The following GALNT18 variants were observed in gnomAD, a reference collection of about 807,000 sequenced individuals.
GALNT18 encodes the protein polypeptide N-acetylgalactosaminyltransferase 18, also known as GalNAc-transferase 18.
GALNT18 carries 44 observed loss-of-function variants against 69.5 expected under a neutral mutation model. The ratio of observed to expected loss-of-function variants is 0.63; its 90% CI spans 0.50 to 0.81. GALNT18 has a LOEUF of 0.81. Ranked by LOEUF, GALNT18 falls within the 40% of genes least tolerant of loss-of-function variation. The pLI, the probability that GALNT18 is intolerant of heterozygous loss-of-function variation, is 0.00. For synonymous variants in GALNT18, 364 were observed against 318.2 expected, an observed-to-expected ratio of 1.14 and a Z score of -1.53; for missense variants, 715 against 810.0, an observed-to-expected ratio of 0.88 and a Z score of 1.42.
chr11:11,466,998 A>G (rs1856167990), intron 1 of GALNT18, among the ~76,000 whole-genome samples: 1 of 152,192 alleles, frequency 6.6e-6, no homozygotes, highest in Admixed American at 6.5e-5. Context: ...GCCCTGATTA[A>G]CAGCTACATG....
intron 6 of GALNT18, among the ~76,000 whole-genome samples, chr11:11,360,265 C>T (rs1226116617): frequency 6.6e-6 from 1 of 152,204 alleles, no homozygotes; most frequent in African/African-American, 2.4e-5. Flanking sequence ...AACGGCACCT[C>T]CTGTGTGAAG....
chr11:11,417,550 T>G (rs958838883), intron 3 of GALNT18, among the ~76,000 whole-genome samples: 2 of 152,154 alleles, frequency 1.3e-5, no homozygotes, highest in African/African-American at 2.4e-5. Flanking sequence ...AAAGTGTGAA[T>G]CTCCAACTTG....
At chr11:11,293,788 C>T (rs1849349754) in intron 9 of GALNT18, among the ~76,000 whole-genome samples, 1 of 152,132 alleles carries the variant, frequency 6.6e-6, no homozygotes, top group East Asian at 1.9e-4. Context: ...GATCTGCCTG[C>T]CTTGAATCCA....
intron 1 of GALNT18, among the ~76,000 whole-genome samples, chr11:11,556,210 TC>T (rs1427581526): frequency 6.6e-6 from 1 of 152,146 alleles, no homozygotes; most frequent in Non-Finnish European, 1.5e-5. Context: ...GGAGCGAAGG[TC>T]AAACTCTATC....
In GALNT18 at chr11:11,341,855, C is replaced by T. The variant is rs909115602; in HGVS notation, c.1093-851G>A. On this transcript the variant is annotated intron_variant, in intron 6 of 10. Transcript: ENST00000227756. This position sits in a 1 kb window ranked among gnomAD's most constrained non-coding sequence, Gnocchi z 6.3. Reference sequence around the variant, plus strand: ...ACCTTGATCAGGCTGGGCACAGTGGCTCACACCTGTAATCTCAGCACTTTG... The same window carrying T: ...ACCTTGATCAGGCTGGGCACAGTGGTTCACACCTGTAATCTCAGCACTTTG... Among the ~76,000 whole-genome samples, 1 of 152,120 alleles carries T rather than the reference C, an allele frequency of 6.6e-6. No homozygotes were observed. The highest frequency in any genetic ancestry group is 1.9e-4 in the East Asian group (1 of 5,186).
In GALNT18 at chr11:11,540,007, G is replaced by T. The variant is rs1252443023; in HGVS notation, c.235+81352C>A. Among the ~76,000 whole-genome samples the T allele has an allele frequency of 6.6e-6, 1 of 152,148 alleles. No homozygotes were observed. Among genetic ancestry groups the T allele is most frequent in the South Asian group, 2.1e-4 (1 of 4,824 alleles). On this transcript the variant is annotated intron_variant, in intron 1 of 10. Transcript: ENST00000227756. The surrounding 1 kb of genome is among the most constrained non-coding windows in gnomAD (Gnocchi z 4.6). ...TACCAATGGGAAATGAGGGGAGACG[G>T]AGCTGCACAGGGGACCCCGATGCCA...
Position 11,587,637 on chromosome 11 carries a change from T to G in GALNT18, c.235+33722A>C, listed in dbSNP as rs1303879492. 6.6e-6 allele frequency among the ~76,000 whole-genome samples: 1 copy of G among 152,208 alleles called. No homozygotes were observed. Among genetic ancestry groups the G allele is most frequent in the African/African-American group, 2.4e-5 (1 of 41,450 alleles). ...CATGGAATGCCCTCACCAATGCTGT[T>G]TCCAAAGTTATATCCTAGAGAAGTA... is the stretch of plus-strand genomic sequence containing the variant. On this transcript the variant is annotated intron_variant, in intron 1 of 10. Coordinates refer to ENST00000227756, the MANE Select transcript of GALNT18 (RefSeq NM_198516.3). The surrounding 1 kb of genome is among the most constrained non-coding windows in gnomAD (Gnocchi z 4.4).
At position 11,496,301 on chromosome 11, in the gene GALNT18, A is replaced by G. The variant is rs537138472; in HGVS notation, c.236-47365T>C. ...CAGGCCCCTCTTCTGTGGTTCACCT[A>G]TCACCAAAAACCCTAGCATCAGCAA... On this transcript the variant is annotated intron_variant, in intron 1 of 10. Coordinates refer to ENST00000227756, the MANE Select transcript of GALNT18 (RefSeq NM_198516.3). This position sits in a 1 kb window ranked among gnomAD's most constrained non-coding sequence, Gnocchi z 4.0. 1.0e-3 allele frequency among the ~76,000 whole-genome samples: 154 copies of G among 152,258 alleles called. No individual in the cohort carries two copies. Among genetic ancestry groups the G allele is most frequent in the African/African-American group, 3.5e-3 (146 of 41,548 alleles).
At chr11:11,391,421 C>T (rs1157987244) in intron 3 of GALNT18, among the ~76,000 whole-genome samples, 2 of 152,218 alleles carry the variant, frequency 1.3e-5, no homozygotes, top group African/African-American at 4.8e-5. Flanking sequence ...CTAAGTTCAG[C>T]ACTTTGGCTC....
chr11:11,302,007 G>A (rs1849503332), intron 9 of GALNT18, among the ~76,000 whole-genome samples: 1 of 152,216 alleles, frequency 6.6e-6, no homozygotes, highest in Admixed American at 6.5e-5. Context: ...AGAGTAGTTT[G>A]CCCAAATGTT....
In GALNT18 at chr11:11,601,228, T is replaced by G. The variant is rs1859627119; in HGVS notation, c.235+20131A>C. Among the ~76,000 whole-genome samples, 1 of 152,246 alleles carries G rather than the reference T, an allele frequency of 6.6e-6. No homozygotes were observed. The highest frequency in any genetic ancestry group is 2.1e-4 in the South Asian group (1 of 4,834). On this transcript the variant is annotated intron_variant, in intron 1 of 10. Coordinates refer to ENST00000227756, the MANE Select transcript of GALNT18 (RefSeq NM_198516.3). The surrounding 1 kb of genome is among the most constrained non-coding windows in gnomAD (Gnocchi z 4.0). ...ATTTTAGATACTATATTTTAGACAC[T>G]TTGAATACTGATTAATCCCCCACCC... is the stretch of plus-strand genomic sequence containing the variant.
At position 11,377,283 on chromosome 11, in the gene GALNT18, C is replaced by T; in HGVS notation, c.876G>A (p.Glu292=). Residue 292 remains glutamate, a synonymous_variant, in exon 5 of 11, where the codon GAG becomes GAA. Coordinates refer to ENST00000227756, the MANE Select transcript of GALNT18 (RefSeq NM_198516.3). The surrounding 1 kb of genome is among the most constrained non-coding windows in gnomAD (Gnocchi z 4.6). ...NIKYDNFEIE[E]YPLAAQGFDW... is the part of the protein sequence containing the mutation. Reference sequence around the variant, plus strand: ...CAAAGCCCTGGGCAGCCAGCGGGTACTCTTCTATCTCAAAGTTGTCATATT... The same window carrying T: ...CAAAGCCCTGGGCAGCCAGCGGGTATTCTTCTATCTCAAAGTTGTCATATT... 6.2e-7 allele frequency: 1 copy of T among 1,613,962 alleles called. No individual in the cohort carries two copies. Among genetic ancestry groups the T allele is most frequent in the Non-Finnish European group, 8.5e-7 (1 of 1,179,984 alleles).
intron 9 of GALNT18, among the ~76,000 whole-genome samples, chr11:11,311,828 A>G (rs868665186): frequency 1.8e-4 from 27 of 152,330 alleles, no homozygotes; most frequent in Middle Eastern, 3.4e-3. Context: ...TATTAGCAAT[A>G]ACAGTGATTA....
At chr11:11,570,686 G>C (rs565298670) in intron 1 of GALNT18, among the ~76,000 whole-genome samples, 1 of 152,074 alleles carries the variant, frequency 6.6e-6, no homozygotes, top group Non-Finnish European at 1.5e-5. Context: ...TTTTTGCCTT[G>C]ACTGCACTTC....
At chr11:11,324,970 A>G (rs1849893935) in intron 9 of GALNT18, among the ~76,000 whole-genome samples, 2 of 152,242 alleles carry the variant, frequency 1.3e-5, no homozygotes, top group African/African-American at 4.8e-5. Flanking sequence ...AACTGAAAGT[A>G]GAACTACCAT....
chr11:11,528,527 G>A (rs1590074641), intron 1 of GALNT18, among the ~76,000 whole-genome samples: 1 of 152,330 alleles, frequency 6.6e-6, no homozygotes, highest in Middle Eastern at 3.4e-3. Flanking sequence ...GAATCAGCTT[G>A]CAAACTCTAC....
In GALNT18 at chr11:11,584,647, C is replaced by T. The variant is rs1291816419; in HGVS notation, c.235+36712G>A. Among the ~76,000 whole-genome samples the T allele has an allele frequency of 6.6e-6, 1 of 152,128 alleles. No individual in the cohort carries two copies. The highest frequency in any genetic ancestry group is 6.5e-5 in the Admixed American group (1 of 15,276). ...CAATGAGTCACAGTGTAAATTATTC[C>T]TATTAGTCAGTGCTATCTTATAAGC... On this transcript the variant is annotated intron_variant, in intron 1 of 10. Transcript: ENST00000227756. This position sits in a 1 kb window ranked among gnomAD's most constrained non-coding sequence, Gnocchi z 4.1.
At chr11:11,462,948 G>A (rs1856077864) in intron 1 of GALNT18, among the ~76,000 whole-genome samples, 1 of 152,094 alleles carries the variant, frequency 6.6e-6, no homozygotes, top group South Asian at 2.1e-4. Context: ...CCTGAGCCCT[G>A]GGCACACCAG....
At chr11:11,417,933 A>G (rs1409809800) in intron 3 of GALNT18, among the ~76,000 whole-genome samples, 1 of 152,258 alleles carries the variant, frequency 6.6e-6, no homozygotes, top group Non-Finnish European at 1.5e-5. Context: ...AAATGAGCTA[A>G]CACATGAAAG....
Sources: gnomAD v4.1 joint callset for allele counts (sites outside exome capture counted in the v4.1 genomes callset) on GRCh38, gnomAD v4.1.1 for gene constraint, Gnocchi (gnomAD v3.1) non-coding constraint, MANE v1.5 for transcripts, NCBI Gene and HGNC (gene_info 2026-07-23, HGNC 2026-07-21) for gene names.